Variants in HMCN1 observed in about 807,000 individuals in gnomAD.
HMCN1 encodes hemicentin 1, also known as hemicentin-1.
In HMCN1, 321 loss-of-function variants were observed where a neutral mutation model predicts 625.9. The observed-to-expected ratio is 0.51, with a 90% CI of 0.47 to 0.56. The LOEUF is 0.56. Ranked by LOEUF, HMCN1 falls within the 20% of genes least tolerant of loss-of-function variation. The pLI is 0.00. For missense variants in HMCN1, 6,588 were observed against 6,887.3 expected (o/e 0.96, Z 1.54); for synonymous variants, 2,425 against 2,417.6 (o/e 1.00, Z -0.09).
chr1:185,791,048 G>C (rs1165466876), intron 1 of HMCN1, among the ~76,000 whole-genome samples: 3 of 151,556 alleles, frequency 2.0e-5, no homozygotes, highest in Admixed American at 6.6e-5. Flanking sequence ...TGGAACTGTT[G>C]TACCTAAAAA....
chr1:186,123,592 C>T (rs1404811949), intron 81 of HMCN1, among the ~76,000 whole-genome samples: 1 of 152,082 alleles, frequency 6.6e-6, no homozygotes, highest in Non-Finnish European at 1.5e-5. Context: ...ATATGACCTA[C>T]ATTGTATGAT....
chr1:186,053,536 T>C (rs1234642702), intron 43 of HMCN1, among the ~76,000 whole-genome samples: 1 of 152,040 alleles, frequency 6.6e-6, no homozygotes, highest in Non-Finnish European at 1.5e-5. Context: ...AACATTTTTC[T>C]GTTTGTGACA....
At position 186,189,969 on chromosome 1, in the gene HMCN1, A is replaced by G. The variant is rs540014337; in HGVS notation, c.*91A>G. ...AGATTACTGTCTCTTGAACAGTTGC[A>G]ATCTTGGCAGCTTGAAAATGGTGCT... is the stretch of plus-strand genomic sequence containing the variant. On this transcript the variant is annotated 3_prime_UTR_variant, in exon 107 of 107. Transcript: ENST00000271588. 9.0e-6 allele frequency: 13 copies of G among 1,448,588 alleles called. 1 individual carries two copies. In the Admixed American group the frequency reaches 2.2e-4, roughly 24 times the overall value. The allele number at this position is 1,448,588 out of a possible 1,614,324, so 89.7% of individuals were successfully genotyped here.
At chr1:185,803,255 A>G (rs1033016906) in intron 1 of HMCN1, among the ~76,000 whole-genome samples, 3 of 150,740 alleles carry the variant, frequency 2.0e-5, no homozygotes, top group African/African-American at 7.3e-5. Context: ...TTTGGGGAGT[A>G]AATATAGTAA....
At chr1:186,011,230 A>G (rs1653981890) in intron 30 of HMCN1, among the ~76,000 whole-genome samples, 2 of 152,084 alleles carry the variant, frequency 1.3e-5, no homozygotes, top group African/African-American at 2.4e-5. Context: ...TATTTTTATT[A>G]GAGATGGCAT....
At chr1:185,810,535 AC>A in intron 1 of HMCN1, among the ~76,000 whole-genome samples, 1 of 152,302 alleles carries the variant, frequency 6.6e-6, no homozygotes, top group East Asian at 1.9e-4. Flanking sequence ...TTTTCACATG[AC>A]ATTAAGATGA....
At chr1:186,011,607 T>C (rs910038206) in intron 30 of HMCN1, among the ~76,000 whole-genome samples, 1 of 152,214 alleles carries the variant, frequency 6.6e-6, no homozygotes, top group Non-Finnish European at 1.5e-5. Flanking sequence ...TTCTTTGCAT[T>C]TGCCTCAAGG....
chr1:185,993,441 G>T, intron 23 of HMCN1, 132 bp downstream of exon 23: 1 of 927,358 alleles, frequency 1.1e-6, no homozygotes, highest in Non-Finnish European at 1.6e-6. Context: ...TCTAAAATCT[G>T]AGACTTGTGA....
At position 185,972,604 on chromosome 1, in the gene HMCN1, T is replaced by A. The variant is rs1292891595; in HGVS notation, c.2371+2111T>A. Among the ~76,000 whole-genome samples the A allele has an allele frequency of 3.9e-5, 6 of 152,332 alleles. 1 individual carries two copies. The highest frequency in any genetic ancestry group is 6.5e-5 in the Admixed American group (1 of 15,286). ...CATAAGCCAAATTATTTGTTTATTGTAACCTTGACCATTGTTCACAATTGC... is the reference window on the plus strand; with the variant it reads ...CATAAGCCAAATTATTTGTTTATTGAAACCTTGACCATTGTTCACAATTGC... On this transcript the variant is annotated intron_variant, in intron 15 of 106. Transcript: ENST00000271588.
chr1:185,898,111 G>A (rs990658636), intron 4 of HMCN1, among the ~76,000 whole-genome samples: 1 of 152,168 alleles, frequency 6.6e-6, no homozygotes, highest in East Asian at 1.9e-4. Context: ...ACTGAAGCTG[G>A]AAAGTGGTGG....
Position 185,734,432 on chromosome 1 carries a change from A to C in HMCN1, c.-348A>C. The C allele has an allele frequency of 1.7e-5, 4 of 242,352 alleles. No individual in the cohort carries two copies. The highest frequency in any genetic ancestry group is 5.6e-5 in the Admixed American group (1 of 17,954). 15.0% of individuals were successfully genotyped at this position (242,352 alleles called of 1,614,324 possible). A position where few individuals can be genotyped will look rare whatever the true frequency, so the allele number is the denominator to read the frequency against. On this transcript the variant is annotated 5_prime_UTR_variant, in exon 1 of 107. Coordinates refer to ENST00000271588, the MANE Select transcript of HMCN1 (RefSeq NM_031935.3). ...GGAGAGCAGCGGCGGCGGCGAGGGC[A>C]GCGGGATTCGGGCCGCGGCGCCGCA...
In HMCN1 at chr1:186,095,179, T is replaced by G. The variant is rs569502591; in HGVS notation, c.10295-64T>G. On this transcript the variant is annotated intron_variant, in intron 67 of 106. Coordinates refer to ENST00000271588, the MANE Select transcript of HMCN1 (RefSeq NM_031935.3). ...ACATTATAGAATTATTCAAATGTTT[T>G]AATTTAAATTGATCTCAAATTACAA... 5 of 1,474,812 alleles carry G rather than the reference T, an allele frequency of 3.4e-6. No individual in the cohort carries two copies. The East Asian group carries it at 6.8e-5, about 20-fold the overall frequency. The allele number at this position is 1,474,812 out of a possible 1,614,324, so 91.4% of individuals were successfully genotyped here.
At chr1:185,935,671 T>C (rs1667776983) in intron 11 of HMCN1, among the ~76,000 whole-genome samples, 1 of 152,162 alleles carries the variant, frequency 6.6e-6, no homozygotes, top group African/African-American at 2.4e-5. Context: ...TGTTATTTTA[T>C]GGCCTGTCTA....
At chr1:186,111,808 T>C (rs1319400539) in intron 71 of HMCN1, among the ~76,000 whole-genome samples, 2 of 152,156 alleles carry the variant, frequency 1.3e-5, no homozygotes, top group East Asian at 1.9e-4. Context: ...ATAGCCCCAA[T>C]AGAAATGAAA....
chr1:185,856,639 C>T (rs909021031), intron 2 of HMCN1, among the ~76,000 whole-genome samples: 9 of 151,952 alleles, frequency 5.9e-5, no homozygotes, highest in East Asian at 5.8e-4. Context: ...TGAAACTAAG[C>T]GCAAACTCTA....
intron 2 of HMCN1, among the ~76,000 whole-genome samples, chr1:185,860,250 T>C (rs1662781667): frequency 6.6e-6 from 1 of 152,174 alleles, no homozygotes; most frequent in Admixed American, 6.5e-5. Flanking sequence ...TGAAGAATTT[T>C]ACTCCTGAGA....
chr1:185,794,390 C>A (rs189416400), intron 1 of HMCN1, among the ~76,000 whole-genome samples: 1 of 149,480 alleles, frequency 6.7e-6, no homozygotes. Context: ...TTAACTCATA[C>A]AATCACAAGA....
chr1:186,062,010 A>G, intron 47 of HMCN1, 46 bp downstream of exon 47: 1 of 1,180,110 alleles, frequency 8.5e-7, no homozygotes, highest in Non-Finnish European at 1.3e-6. Flanking sequence ...AAATTGCCTT[A>G]AATCCTGGAA....
intron 1 of HMCN1, among the ~76,000 whole-genome samples, chr1:185,762,018 A>G (rs1158962720): frequency 6.6e-6 from 1 of 152,200 alleles, no homozygotes; most frequent in Non-Finnish European, 1.5e-5. Context: ...AGCTTGCAGC[A>G]GGCATTCCAG....
Sources: allele counts gnomAD v4.1 joint callset (sites outside exome capture counted in the v4.1 genomes callset), GRCh38; gene constraint gnomAD v4.1.1; transcripts MANE v1.5; gene names NCBI Gene and HGNC (gene_info 2026-07-23, HGNC 2026-07-21).